KCNU1: variants seen among roughly 807,000 people sequenced by gnomAD.
KCNU1 encodes potassium channel subfamily U member 1.
A neutral mutation model predicts 126.8 loss-of-function variants in KCNU1; 93 were observed. The ratio of observed to expected loss-of-function variants is 0.73; its 90% CI spans 0.62 to 0.87. The LOEUF (loss-of-function observed/expected upper bound fraction) is 0.87. Among genes scored for constraint, KCNU1 ranks in the 40% least tolerant of loss-of-function variants. KCNU1 has a pLI of 0.00. For synonymous variants in KCNU1, 523 were observed against 494.2 expected (o/e 1.06, Z -0.77); for missense variants, 1,330 against 1,367.1 (o/e 0.97, Z 0.43).
At chr8:36,910,273 A>T (rs1224963588) in intron 21 of KCNU1, among the ~76,000 whole-genome samples, 3 of 152,226 alleles carry the variant, frequency 2.0e-5, no homozygotes, top group Non-Finnish European at 4.4e-5. Flanking sequence ...TTCAAATTTC[A>T]AAAATAATTA....
chr8:36,909,763 A>G (rs1187868981), intron 21 of KCNU1, among the ~76,000 whole-genome samples: 1 of 152,228 alleles, frequency 6.6e-6, no homozygotes, highest in Non-Finnish European at 1.5e-5. Context: ...CCAAGATTGT[A>G]CAGCCAGTAA....
chr8:36,842,581 T>C (rs750663349), intron 16 of KCNU1, among the ~76,000 whole-genome samples: 5 of 152,216 alleles, frequency 3.3e-5, no homozygotes, highest in Non-Finnish European at 7.3e-5. Context: ...GTAGTTCGGG[T>C]TTCAGACTGG....
intron 19 of KCNU1, among the ~76,000 whole-genome samples, chr8:36,871,452 T>C (rs962725304): frequency 6.6e-6 from 1 of 152,096 alleles, no homozygotes; most frequent in East Asian, 1.9e-4. Flanking sequence ...CAGGTATGTA[T>C]TGAATAATCT....
intron 18 of KCNU1, among the ~76,000 whole-genome samples, chr8:36,860,925 T>A (rs1003357896): frequency 5.3e-5 from 8 of 151,824 alleles, no homozygotes; most frequent in African/African-American, 7.3e-5. Context: ...TTTTTTTTTT[T>A]ATAAACATTC....
Position 36,805,573 on chromosome 8 carries a change from T to A in KCNU1, c.468+288T>A, listed in dbSNP as rs1454471502. Among the ~76,000 whole-genome samples, 3 of 152,148 alleles carry A rather than the reference T, an allele frequency of 2.0e-5. No homozygotes were observed. In the East Asian group the frequency reaches 5.8e-4, roughly 29 times the overall value. ...ACTGGCTTCCCATCTTTACTAATAATGACAAGCGAGCAGAACTTGAGTAGC... is the reference window on the plus strand; with the variant it reads ...ACTGGCTTCCCATCTTTACTAATAAAGACAAGCGAGCAGAACTTGAGTAGC... On this transcript the variant is annotated intron_variant, in intron 4 of 26. Coordinates refer to ENST00000399881, the MANE Select transcript of KCNU1 (RefSeq NM_001031836.3).
At chr8:36,935,452 A>G in intron 26 of KCNU1, 63 bp from the exon 27 acceptor site, 1 of 1,342,318 alleles carries the variant, frequency 7.4e-7, no homozygotes, top group Non-Finnish European at 1.0e-6. Flanking sequence ...TATTTGGGTC[A>G]CTGCCTGTTG....
chr8:36,825,031 G>A (rs35358801), intron 10 of KCNU1, among the ~76,000 whole-genome samples: 4 of 152,070 alleles, frequency 2.6e-5, no homozygotes, highest in Non-Finnish European at 5.9e-5. Flanking sequence ...ACTGTCAGTT[G>A]TCCGAAATGA....
intron 20 of KCNU1, among the ~76,000 whole-genome samples, chr8:36,907,548 G>A (rs1807680487): frequency 6.6e-6 from 1 of 152,162 alleles, no homozygotes; most frequent in African/African-American, 2.4e-5. Flanking sequence ...ACTCTAGGAA[G>A]GCTCTCCAGA....
chr8:36,895,565 A>G (rs1328331524), intron 19 of KCNU1, among the ~76,000 whole-genome samples: 1 of 152,158 alleles, frequency 6.6e-6, no homozygotes, highest in African/African-American at 2.4e-5. Context: ...AACTTATACT[A>G]TCATAATTAC....
intron 18 of KCNU1, among the ~76,000 whole-genome samples, chr8:36,862,597 G>C (rs1027568779): frequency 1.2e-4 from 19 of 152,136 alleles, no homozygotes; most frequent in African/African-American, 4.6e-4. Context: ...AATTATGAAA[G>C]CTTTCAAAAT....
intron 18 of KCNU1, among the ~76,000 whole-genome samples, chr8:36,851,270 G>A (rs1805333208): frequency 6.6e-6 from 1 of 152,116 alleles, no homozygotes; most frequent in South Asian, 2.1e-4. Flanking sequence ...GTCAAGGGAG[G>A]AACCTGGTGA....
intron 19 of KCNU1, among the ~76,000 whole-genome samples, chr8:36,876,393 T>C (rs1398767716): frequency 6.6e-6 from 1 of 152,216 alleles, no homozygotes; most frequent in Non-Finnish European, 1.5e-5. Flanking sequence ...AAGAGCTATG[T>C]CAGAGGACTC....
intron 19 of KCNU1, among the ~76,000 whole-genome samples, chr8:36,886,992 G>T (rs1249857591): frequency 6.6e-6 from 1 of 151,844 alleles, no homozygotes; most frequent in Non-Finnish European, 1.5e-5. Flanking sequence ...TTTTTTTATG[G>T]CTGTGTAGTA....
chr8:36,803,927 C>T, intron 2 of KCNU1, 100 bp from the exon 3 acceptor site: 1 of 762,442 alleles, frequency 1.3e-6, no homozygotes, highest in Non-Finnish European at 2.3e-6. Context: ...TAAATGGCTA[C>T]ACGTACACAG....
At chr8:36,834,676 C>T in intron 11 of KCNU1, 110 bp from the exon 12 acceptor site, 2 of 654,948 alleles carry the variant, frequency 3.1e-6, no homozygotes, top group East Asian at 5.5e-5. Flanking sequence ...AGTGTGTCCT[C>T]TTTTGTGTTA....
Position 36,935,638 on chromosome 8 carries a change from T to C in KCNU1, c.3168T>C (p.Tyr1056=). ...RNEEFSLQKS[Y]EIVNKASQTT... ...AAGAGTTCTCATTGCAAAAGTCATA[T>C]GAAATTGTAAATAAAGCATCACAGA... Residue 1056 remains tyrosine, a synonymous_variant, in exon 27 of 27, where the codon TAT becomes TAC. Coordinates refer to ENST00000399881, the MANE Select transcript of KCNU1 (RefSeq NM_001031836.3). 4 of 1,613,486 alleles carry C rather than the reference T, an allele frequency of 2.5e-6. No individual in the cohort carries two copies. In the East Asian group the frequency reaches 6.7e-5, roughly 27 times the overall value.
intron 18 of KCNU1, among the ~76,000 whole-genome samples, chr8:36,863,320 C>T (rs1805793267): frequency 6.6e-6 from 1 of 152,090 alleles, no homozygotes; most frequent in Admixed American, 6.6e-5. Context: ...TGTGGCTAGT[C>T]CAAGCACAGA....
In KCNU1 at chr8:36,922,582, A is replaced by G. The variant is rs376770164; in HGVS notation, c.2689A>G (p.Thr897Ala). 42 of 1,613,556 alleles carry G rather than the reference A, an allele frequency of 2.6e-5. No homozygotes were observed. Among genetic ancestry groups the G allele is most frequent in the Non-Finnish European group, 3.1e-5 (37 of 1,179,750 alleles). Residue 897 changes from threonine (T) to alanine (A), a missense_variant, in exon 24 of 27, where the codon ACG (threonine) becomes GCG (alanine). Around this residue, in one of 3 missense-constraint regions of KCNU1, gnomAD observed 1,054 missense variants for 1,053.9 expected, o/e 1.00. Coordinates refer to ENST00000399881, the MANE Select transcript of KCNU1 (RefSeq NM_001031836.3). ...TNLHLSTAFS[T>A]GTVFSGSFLD... ...TCTGCATCTCAGCACTGCCTTTTCTACGGGCACTGTTTTTTCCGGCAGCTT... is the reference window on the plus strand; with the variant it reads ...TCTGCATCTCAGCACTGCCTTTTCTGCGGGCACTGTTTTTTCCGGCAGCTT...
chr8:36,878,913 A>C (rs1806366924), intron 19 of KCNU1, among the ~76,000 whole-genome samples: 1 of 147,766 alleles, frequency 6.8e-6, no homozygotes, highest in South Asian at 2.1e-4. Flanking sequence ...ATTATATAAT[A>C]TATGTTTTAT....
Sources: allele counts gnomAD v4.1 joint callset (sites outside exome capture counted in the v4.1 genomes callset), GRCh38; gene constraint gnomAD v4.1.1; regional missense constraint gnomAD v4.1.1; transcripts MANE v1.5; gene names NCBI Gene and HGNC (gene_info 2026-07-23, HGNC 2026-07-21).